The following HDAC9 variants were observed in gnomAD, a reference collection of about 807,000 sequenced individuals.
HDAC9 encodes the protein MEF-2 interacting transcription repressor (MITR) protein.
Under a neutral mutation model 139.4 loss-of-function variants are expected in HDAC9, and 41 were observed. The observed-to-expected ratio is 0.29, with a 90% CI of 0.23 to 0.38. The LOEUF is 0.38. Ranked by LOEUF, HDAC9 falls within the 10% of genes least tolerant of loss-of-function variation. HDAC9 has a pLI of 1.00. For missense variants in HDAC9, 1,147 were observed against 1,297.0 expected, an observed-to-expected ratio of 0.88 and a Z score of 1.78; for synonymous variants, 517 against 476.2, an observed-to-expected ratio of 1.09 and a Z score of -1.12.
rs139651216 is a variant in HDAC9, at chr7:18,881,936, G to T, written c.2803+7340G>T. ...TCAACCTTAAACTTGAAGGGCTTCA[G>T]TTCTTTTAGATTAGGGTGAACACAG... On this transcript the variant is annotated intron_variant, in intron 22 of 25. Transcript: ENST00000686413. Among the ~76,000 whole-genome samples the T allele has an allele frequency of 7.8e-4, 118 of 152,198 alleles. 2 individuals are homozygous for T. The East Asian group carries it at 0.02, about 26-fold the overall frequency.
At chr7:18,183,153 GTGCC>G (rs1789607061) in intron 2 of HDAC9, among the ~76,000 whole-genome samples, 1 of 152,044 alleles carries the variant, frequency 6.6e-6, no homozygotes, top group Non-Finnish European at 1.5e-5. Flanking sequence ...GGGACTACAG[GTGCC>G]TGCCACCACA....
intron 14 of HDAC9, among the ~76,000 whole-genome samples, chr7:18,749,438 C>G (rs1358078228): frequency 6.6e-6 from 1 of 152,110 alleles, no homozygotes; most frequent in Non-Finnish European, 1.5e-5. Flanking sequence ...TTGAGTTGAT[C>G]TTCTGAGAAA....
intron 2 of HDAC9, among the ~76,000 whole-genome samples, chr7:18,554,718 T>A (rs1168639949): frequency 6.6e-6 from 1 of 152,174 alleles, no homozygotes; most frequent in South Asian, 2.1e-4. Flanking sequence ...CTGCCCTGGA[T>A]AACTCCTACT....
At chr7:18,894,355 A>T (rs369238018) in intron 22 of HDAC9, among the ~76,000 whole-genome samples, 2 of 152,264 alleles carry the variant, frequency 1.3e-5, no homozygotes, top group East Asian at 3.9e-4. Flanking sequence ...AGGGGGAGCC[A>T]TATGAAGCCT....
intron 12 of HDAC9, among the ~76,000 whole-genome samples, chr7:18,718,057 C>A (rs1280272054): frequency 6.6e-6 from 1 of 152,004 alleles, no homozygotes; most frequent in Non-Finnish European, 1.5e-5. Context: ...CTGGTGCAAC[C>A]ATCACCAGAG....
intron 22 of HDAC9, among the ~76,000 whole-genome samples, chr7:18,880,390 G>A (rs985331429): frequency 6.6e-6 from 1 of 152,078 alleles, no homozygotes; most frequent in African/African-American, 2.4e-5. Context: ...CACAATAGCA[G>A]TGACCTGGAA....
At chr7:18,274,645 A>G (rs1796600677) in intron 2 of HDAC9, among the ~76,000 whole-genome samples, 1 of 152,204 alleles carries the variant, frequency 6.6e-6, no homozygotes, top group Non-Finnish European at 1.5e-5. Context: ...ATGGATAAAT[A>G]ATTTGAGATA....
chr7:18,824,279 A>G (rs186691963), intron 17 of HDAC9, among the ~76,000 whole-genome samples: 1 of 152,304 alleles, frequency 6.6e-6, no homozygotes, highest in Non-Finnish European at 1.5e-5. Context: ...TGAGAGAGGC[A>G]TGTCTGTGTG....
At chr7:18,634,216 T>C (rs1213175989) in intron 7 of HDAC9, among the ~76,000 whole-genome samples, 3 of 152,086 alleles carry the variant, frequency 2.0e-5, no homozygotes, top group African/African-American at 7.2e-5. Context: ...CCTAATGGAA[T>C]GGGTCTGAAC....
intron 2 of HDAC9, among the ~76,000 whole-genome samples, chr7:18,171,371 T>C (rs934162935): frequency 6.6e-6 from 1 of 152,212 alleles, no homozygotes; most frequent in Non-Finnish European, 1.5e-5. Context: ...TTTCTAAATA[T>C]ACAATCATGT....
chr7:18,981,750 C>A (rs1291064080), intron 25 of HDAC9, among the ~76,000 whole-genome samples: 1 of 152,140 alleles, frequency 6.6e-6, no homozygotes, highest in African/African-American at 2.4e-5. Context: ...ATTAATTTCT[C>A]CACCTTATCA....
intron 1 of HDAC9, among the ~76,000 whole-genome samples, chr7:18,465,080 A>T (rs1794157731): frequency 6.6e-6 from 1 of 151,980 alleles, no homozygotes; most frequent in Admixed American, 6.6e-5. Context: ...ATATTTGTAG[A>T]GCTTTTTTAG....
intron 2 of HDAC9, among the ~76,000 whole-genome samples, chr7:18,217,280 A>G (rs1792385068): frequency 6.6e-6 from 1 of 151,360 alleles, no homozygotes; most frequent in Non-Finnish European, 1.5e-5. Context: ...TTACTTTACT[A>G]TTTTATCTTT....
intron 17 of HDAC9, among the ~76,000 whole-genome samples, chr7:18,802,484 T>C (rs1403448465): frequency 6.6e-6 from 1 of 151,946 alleles, no homozygotes; most frequent in Non-Finnish European, 1.5e-5. Flanking sequence ...CATCCACATA[T>C]TATTGAGTGT....
chr7:18,829,055 T>G, intron 17 of HDAC9, 106 bp from the exon 18 acceptor site: 1 of 801,720 alleles, frequency 1.2e-6, no homozygotes. Flanking sequence ...AGACTTCAGT[T>G]TTGTGTGTGT....
chr7:18,477,244 C>T (rs1795181154), intron 1 of HDAC9, among the ~76,000 whole-genome samples: 1 of 152,132 alleles, frequency 6.6e-6, no homozygotes, highest in African/African-American at 2.4e-5. Flanking sequence ...TATATATTTT[C>T]TAATTTGAGT....
intron 1 of HDAC9, among the ~76,000 whole-genome samples, chr7:18,349,175 C>T (rs117524917): frequency 6.6e-6 from 1 of 152,042 alleles, no homozygotes; most frequent in Non-Finnish European, 1.5e-5. Context: ...CACCGTATGT[C>T]TTTCATGTTC....
chr7:18,239,334 C>G (rs1486393913), intron 2 of HDAC9, among the ~76,000 whole-genome samples: 1 of 152,174 alleles, frequency 6.6e-6, no homozygotes, highest in African/African-American at 2.4e-5. Context: ...ATATCAACCA[C>G]CAGCACCCTC....
At position 18,946,036 on chromosome 7, in the gene HDAC9, C is replaced by CAAAAAA. The variant is rs1171055959; in HGVS notation, c.2938-8077_2938-8072dup. ...TGGGTGATAGTACAAGACTCCGTCT[C>CAAAAAA]AAAAAAAAAAAAAAAAAAAAAAAAA... On this transcript the variant is annotated intron_variant, in intron 23 of 25. Transcript: ENST00000686413. 4.7e-3 allele frequency among the ~76,000 whole-genome samples: 181 copies of CAAAAAA among 38,272 alleles called. 37 individuals are homozygous for CAAAAAA. Among genetic ancestry groups the CAAAAAA allele is most frequent in the East Asian group, 0.019 (13 of 686 alleles). 25.1% of individuals were successfully genotyped at this position (38,272 alleles called of 152,430 possible).
Sources: allele counts gnomAD v4.1 joint callset (sites outside exome capture counted in the v4.1 genomes callset), GRCh38; gene constraint gnomAD v4.1.1; transcripts MANE v1.5; gene names NCBI Gene and HGNC (gene_info 2026-07-23, HGNC 2026-07-21).